KIF26B: variants seen among roughly 807,000 people sequenced by gnomAD.
KIF26B encodes kinesin family member 26B.
KIF26B carries 63 observed loss-of-function variants against 151.2 expected under a neutral mutation model. The ratio of observed to expected loss-of-function variants is 0.42; its 90% confidence interval spans 0.34 to 0.51. KIF26B has a LOEUF of 0.51. Among genes scored for constraint, KIF26B ranks in the 20% least tolerant of loss-of-function variants. KIF26B has a pLI of 0.07. For synonymous variants in KIF26B, 1,357 were observed against 1,262.1 expected, an observed-to-expected ratio of 1.08 and a Z score of -1.59; for missense variants, 2,813 against 2,913.6, an observed-to-expected ratio of 0.97 and a Z score of 0.79.
At chr1:245,292,944 C>T (rs1257425581) in intron 2 of KIF26B, among the ~76,000 whole-genome samples, 3 of 152,218 alleles carry the variant, frequency 2.0e-5, no homozygotes, top group African/African-American at 7.2e-5. Context: ...TGAATTTTAA[C>T]ATTCAGAGTT....
intron 4 of KIF26B, among the ~76,000 whole-genome samples, chr1:245,511,830 T>G (rs1016932088): frequency 2.0e-5 from 3 of 152,174 alleles, no homozygotes; most frequent in African/African-American, 7.2e-5. Context: ...TCCTAAGTAT[T>G]CAGGGAGGAA....
chr1:245,645,031 C>T (rs2043932368), intron 9 of KIF26B, among the ~76,000 whole-genome samples: 1 of 152,066 alleles, frequency 6.6e-6, no homozygotes, highest in Admixed American at 6.5e-5. Flanking sequence ...GGGAAGGTGC[C>T]AGCATCTTTT....
intron 2 of KIF26B, among the ~76,000 whole-genome samples, chr1:245,290,140 G>A (rs576553368): frequency 4.6e-5 from 7 of 152,000 alleles, no homozygotes; most frequent in Admixed American, 3.9e-4. Context: ...CTAATACAGA[G>A]CCTAGCATTC....
At chr1:245,580,352 C>T (rs192891151) in intron 5 of KIF26B, among the ~76,000 whole-genome samples, 9 of 152,284 alleles carry the variant, frequency 5.9e-5, no homozygotes, top group Admixed American at 5.2e-4. Context: ...AGATACTACC[C>T]GAGTGAGCAG....
intron 2 of KIF26B, chr1:245,282,846 G>A: frequency 4.6e-6 from 1 of 218,078 alleles, no homozygotes. Flanking sequence ...TAATTTGTCT[G>A]TGAGCAGCAA....
chr1:245,653,001 TTTCTGAA>T (rs2044036697), intron 10 of KIF26B, among the ~76,000 whole-genome samples: 1 of 152,218 alleles, frequency 6.6e-6, no homozygotes, highest in South Asian at 2.1e-4. Context: ...TATTAAAGTC[TTTCTGAA>T]TTCTGAACCA....
chr1:245,296,828 G>A (rs1671345698), intron 2 of KIF26B, among the ~76,000 whole-genome samples: 1 of 152,128 alleles, frequency 6.6e-6, no homozygotes, highest in Non-Finnish European at 1.5e-5. Context: ...CCTCATCTCA[G>A]GACTGTACTT....
At chr1:245,500,762 G>A (rs918990234) in intron 4 of KIF26B, among the ~76,000 whole-genome samples, 1 of 152,262 alleles carries the variant, frequency 6.6e-6, no homozygotes, top group African/African-American at 2.4e-5. Context: ...GAGCTGGGCA[G>A]GGGCCTCCTG....
chr1:245,441,824 G>A (rs1347096210), intron 4 of KIF26B, among the ~76,000 whole-genome samples: 7 of 152,296 alleles, frequency 4.6e-5, no homozygotes, highest in South Asian at 2.1e-4. Context: ...AGTAAAGTCC[G>A]TCAAGGGCCT....
chr1:245,289,860 C>T (rs755174636), intron 2 of KIF26B, among the ~76,000 whole-genome samples: 1 of 152,074 alleles, frequency 6.6e-6, no homozygotes, highest in Non-Finnish European at 1.5e-5. Context: ...AAGTAGCAAC[C>T]CTCTGCTTAG....
intron 2 of KIF26B, among the ~76,000 whole-genome samples, chr1:245,261,863 G>A (rs902635212): frequency 6.6e-6 from 1 of 151,782 alleles, no homozygotes; most frequent in Admixed American, 6.6e-5. Context: ...GGTTATAGAC[G>A]TGCGCCACCA....
intron 4 of KIF26B, among the ~76,000 whole-genome samples, chr1:245,438,034 ACAAAT>A (rs1266917610): frequency 1.3e-5 from 2 of 152,196 alleles, no homozygotes; most frequent in African/African-American, 4.8e-5. Context: ...AAATTTTAAA[ACAAAT>A]CTAACAGCAT....
rs1172397969 is a variant in KIF26B, at chr1:245,374,059, C to CAAAAAAAAA, written c.999+6720_999+6728dup. 1.1e-4 allele frequency among the ~76,000 whole-genome samples: 2 copies of CAAAAAAAAA among 17,486 alleles called. 1 individual carries two copies. Among genetic ancestry groups the CAAAAAAAAA allele is most frequent in the Non-Finnish European group, 2.1e-4 (2 of 9,754 alleles). 11.5% of individuals were successfully genotyped at this position (17,486 alleles called of 152,430 possible). A position where few individuals can be genotyped will look rare whatever the true frequency, so the allele number is the denominator to read the frequency against. ...GTGACAGAGACCCGAGAACCTATCT[C>CAAAAAAAAA]AAAAAAAAAAAAAAAAAAAAAAAAA... is the stretch of plus-strand genomic sequence containing the variant. On this transcript the variant is annotated intron_variant, in intron 3 of 14. Transcript: ENST00000407071.
intron 2 of KIF26B, among the ~76,000 whole-genome samples, chr1:245,269,121 C>G (rs892713762): frequency 2.0e-5 from 3 of 152,160 alleles, no homozygotes; most frequent in African/African-American, 7.2e-5. Flanking sequence ...TATATGGACA[C>G]TGTTGTACAA....
At chr1:245,155,631 C>G in intron 1 of KIF26B, 144 bp downstream of exon 1, 1 of 678,998 alleles carries the variant, frequency 1.5e-6, no homozygotes. Flanking sequence ...TGTGAGTGCG[C>G]GGAGGCGGGT....
At chr1:245,614,648 C>T (rs1380720938) in intron 9 of KIF26B, 1 of 152,292 alleles carries the variant, frequency 6.6e-6, no homozygotes, top group East Asian at 1.9e-4. Context: ...AGGTTCTGGT[C>T]CTCACTTACA....
intron 2 of KIF26B, among the ~76,000 whole-genome samples, chr1:245,246,933 A>T (rs1208838748): frequency 6.7e-6 from 1 of 149,044 alleles, no homozygotes. Context: ...AGACACAGAC[A>T]CACACAGATA....
intron 2 of KIF26B, among the ~76,000 whole-genome samples, chr1:245,246,681 T>A (rs959707095): frequency 3.9e-5 from 6 of 152,188 alleles, no homozygotes; most frequent in African/African-American, 9.7e-5. Flanking sequence ...TCCATTCTGA[T>A]TGATGCCCAT....
In KIF26B at chr1:245,687,771, C is replaced by T. The variant is rs1431523958; in HGVS notation, c.4788C>T (p.Pro1596=). Residue 1596 remains proline (P), a synonymous_variant, in exon 12 of 15, where the codon CCC becomes CCT. Transcript: ENST00000407071. The surrounding 1 kb of genome is among the most constrained non-coding windows in gnomAD (Gnocchi z 4.9). ...TTCTGGCTCGGCCCAAAGGGACTCC[C>T]CCTCTGCCCCCTGTCCGAAAGTCCA... ...HCVLARPKGT[P]PLPPVRKSSL... The T allele has an allele frequency of 1.3e-6, 2 of 1,581,666 alleles. No individual in the cohort carries two copies. The highest frequency in any genetic ancestry group is 1.7e-6 in the Non-Finnish European group (2 of 1,164,556).
Sources: gnomAD v4.1 joint callset for allele counts (sites outside exome capture counted in the v4.1 genomes callset) on GRCh38, gnomAD v4.1.1 for gene constraint, Gnocchi (gnomAD v3.1) non-coding constraint, MANE v1.5 for transcripts, NCBI Gene and HGNC (gene_info 2026-07-23, HGNC 2026-07-21) for gene names.